The following AMY2B variants were observed in gnomAD, a reference collection of about 807,000 sequenced individuals.
The protein encoded by AMY2B is alpha-amylase 2B.
A neutral mutation model predicts 59.3 loss-of-function variants in AMY2B; 63 were observed. That is an observed-to-expected ratio of 1.06 (90% CI 0.87 to 1.31). The LOEUF (loss-of-function observed/expected upper bound fraction) is 1.31. Among genes scored for constraint, AMY2B ranks in the 50% most tolerant of loss-of-function variants. The pLI, the probability that AMY2B is intolerant of heterozygous loss-of-function variation, is 0.00. For missense variants in AMY2B, 635 were observed against 626.7 expected (o/e 1.01, Z -0.14); for synonymous variants, 180 against 198.1 (o/e 0.91, Z 0.77).
chr1:103,563,114 T>C (rs534600382), intron 1 of AMY2B, among the ~76,000 whole-genome samples: 1 of 152,100 alleles, frequency 6.6e-6, no homozygotes, highest in Non-Finnish European at 1.5e-5. Context: ...ATTTTATTTT[T>C]TATATGAGCC....
Position 103,574,604 on chromosome 1 carries a change from T to C in AMY2B, c.878+211T>C, listed in dbSNP as rs181662226. Among the ~76,000 whole-genome samples, 5 of 152,226 alleles carry C rather than the reference T, an allele frequency of 3.3e-5. No homozygotes were observed. The East Asian group carries it at 9.7e-4, about 29-fold the overall frequency. On this transcript the variant is annotated intron_variant, in intron 5 of 9. Coordinates refer to ENST00000684275, the MANE Select transcript of AMY2B (RefSeq NM_001387437.1). ...TGAGTATGCCTAGGAACGCTAAACATATCCTAGGAGTTTCCGTCTAAGTAC... is the reference window on the plus strand; with the variant it reads ...TGAGTATGCCTAGGAACGCTAAACACATCCTAGGAGTTTCCGTCTAAGTAC...
chr1:103,579,225 A>G (rs1450817152), intron 9 of AMY2B, 86 bp from the exon 10 acceptor site: 39 of 1,608,068 alleles, frequency 2.4e-5, no homozygotes, highest in Non-Finnish European at 3.2e-5. Context: ...AGGGTTCTAC[A>G]ACATAAAGTT....
At position 103,574,410 on chromosome 1, in the gene AMY2B, T is replaced by G; in HGVS notation, c.878+17T>G. On this transcript the variant is annotated intron_variant, in intron 5 of 9. Coordinates refer to ENST00000684275, the MANE Select transcript of AMY2B (RefSeq NM_001387437.1). The stretch of plus-strand genomic sequence containing the variant: ...TTACCTAAAGTAAATAAATACAACT[T>G]TTCCCCTGAAGTATTTCATAGATTT... 1.2e-6 allele frequency: 2 copies of G among 1,610,702 alleles called. No individual in the cohort carries two copies. Among genetic ancestry groups the G allele is most frequent in the Non-Finnish European group, 1.7e-6 (2 of 1,179,570 alleles).
At position 103,573,821 on chromosome 1, in the gene AMY2B, C is replaced by G; in HGVS notation, c.627C>G (p.Phe209Leu). The G allele has an allele frequency of 6.2e-7, 1 of 1,613,848 alleles. No homozygotes were observed. Among genetic ancestry groups the G allele is most frequent in the Non-Finnish European group, 8.5e-7 (1 of 1,179,794 alleles). The stretch of plus-strand genomic sequence containing the variant: ...TCATTGACATTGGTGTTGCAGGGTT[C>G]AGACTTGATGCTTCCAAGCACATGT... Reference protein sequence around the residue: ...NHLIDIGVAGFRLDASKHMWP... With the variant: ...NHLIDIGVAGLRLDASKHMWP... Residue 209 changes from phenylalanine to leucine, a missense_variant, in exon 4 of 10, where the codon TTC (phenylalanine) becomes TTG (leucine). Phe to Leu is a conservative substitution (Grantham distance 22, BLOSUM62 0). Transcript: ENST00000684275.
rs746033188 is a variant in AMY2B at position 103,574,394 on chromosome 1, G to C, written c.878+1G>C. On this transcript the variant is annotated splice_donor_variant, in intron 5 of 9. Coordinates refer to ENST00000684275, the MANE Select transcript of AMY2B (RefSeq NM_001387437.1). LOFTEE classifies it high-confidence loss of function. ...ATGGAGAGAAGATGTCTTACCTAAA[G>C]TAAATAAATACAACTTTTCCCCTGA... 1 of 1,611,116 alleles carries C rather than the reference G, an allele frequency of 6.2e-7. No homozygotes were observed. The highest frequency in any genetic ancestry group is 1.1e-5 in the South Asian group (1 of 90,970).
At chr1:103,574,486 G>A (rs1652266218) in intron 5 of AMY2B, 93 bp downstream of exon 5, 2 of 1,597,058 alleles carry the variant, frequency 1.3e-6, no homozygotes, top group South Asian at 1.1e-5. Flanking sequence ...TTCTTTTTCA[G>A]ACAACTATCA....
intron 5 of AMY2B, among the ~76,000 whole-genome samples, chr1:103,574,619 C>T (rs1048374342): frequency 1.3e-5 from 2 of 152,040 alleles, no homozygotes; most frequent in South Asian, 4.1e-4. Flanking sequence ...TAGGAGTTTC[C>T]GTCTAAGTAC....
chr1:103,568,235 T>G (rs989041976), upstream of AMY2B: 2 of 152,214 alleles, frequency 1.3e-5, no homozygotes, highest in Non-Finnish European at 2.9e-5. Context: ...GACACACACT[T>G]AACACTTGTT....
chr1:103,576,809 G>A (rs996013455), intron 7 of AMY2B, among the ~76,000 whole-genome samples: 1 of 152,142 alleles, frequency 6.6e-6, no homozygotes, highest in Non-Finnish European at 1.5e-5. Flanking sequence ...AGGAAACTGA[G>A]ACACAGAGAA....
chr1:103,561,323 A>T (rs1570636620), intron 1 of AMY2B, among the ~76,000 whole-genome samples: 1 of 152,206 alleles, frequency 6.6e-6, no homozygotes, highest in Admixed American at 6.5e-5. Context: ...GCTGGAGTGC[A>T]GTGGCGCAGT....
intron 7 of AMY2B, 119 bp downstream of exon 7, chr1:103,575,659 A>G: frequency 6.9e-7 from 1 of 1,440,360 alleles, no homozygotes; most frequent in South Asian, 1.3e-5. Context: ...GAAACCTGAT[A>G]TAGGGCTGCG....
In AMY2B at chr1:103,575,115, G is replaced by A. The variant is rs1395496762; in HGVS notation, c.879-108G>A. ...CAGAATAACCATTTAATTAGAGAAAGAATTTAATCTTCAGATGCCATGCCA... is the reference window on the plus strand; with the variant it reads ...CAGAATAACCATTTAATTAGAGAAAAAATTTAATCTTCAGATGCCATGCCA... On this transcript the variant is annotated intron_variant, in intron 5 of 9. Transcript: ENST00000684275. 6 of 1,494,592 alleles carry A rather than the reference G, an allele frequency of 4.0e-6. No homozygotes were observed. In the East Asian group the frequency reaches 1.2e-4, roughly 30 times the overall value. The allele number at this position is 1,494,592 out of a possible 1,614,324, so 92.6% of individuals were successfully genotyped here.
chr1:103,572,930 C>A (rs1652192967), intron 2 of AMY2B, 133 bp from the exon 3 acceptor site: 1 of 1,536,690 alleles, frequency 6.5e-7, no homozygotes. Context: ...GATTTTTGAT[C>A]TTGTAGGAAA....
chr1:103,568,148 T>G (rs2101067873), upstream of AMY2B, among the ~76,000 whole-genome samples: 1 of 152,350 alleles, frequency 6.6e-6, no homozygotes, highest in South Asian at 2.1e-4. Context: ...CACTAGAATG[T>G]AAGTTCTCTG....
At chr1:103,570,353 A>G (rs1652076277), upstream of AMY2B, 15 of 713,120 alleles carry the variant, frequency 2.1e-5, no homozygotes, top group South Asian at 2.7e-5. Context: ...CTTCCTGGAC[A>G]TGGAATCTTG....
chr1:103,566,298 G>A lies in AMY2B; in HGVS notation c.-47+704G>A, dbSNP rs1651910118. Among the ~76,000 whole-genome samples the A allele has an allele frequency of 1.3e-5, 2 of 152,120 alleles. 1 individual carries two copies. The highest frequency in any genetic ancestry group is 4.2e-4 in the South Asian group (2 of 4,812). Reference sequence around the variant, plus strand: ...CTTTCACTTTATTGTTTGTTTTTGTGTATGGACATATCCCTTCTCTAACTG... The same window carrying A: ...CTTTCACTTTATTGTTTGTTTTTGTATATGGACATATCCCTTCTCTAACTG... On this transcript the variant is annotated intron_variant, in intron 2 of 11. Transcript: ENST00000361355.
intron 3 of AMY2B, 22 bp downstream of exon 3, chr1:103,573,282 A>T (rs371748405): frequency 6.2e-7 from 1 of 1,613,474 alleles, no homozygotes. Flanking sequence ...TATGAGAGTC[A>T]TCTGAATAAG....
intron 2 of AMY2B, 91 bp from the exon 3 acceptor site, chr1:103,572,972 G>A: frequency 3.1e-6 from 5 of 1,602,540 alleles, no homozygotes; most frequent in South Asian, 2.2e-5. Context: ...ATATTTTGGA[G>A]TTTTATTAAC....
rs1448988714 is a variant in AMY2B at position 103,573,701 on chromosome 1, T to G, written c.514-7T>G. 2.5e-6 allele frequency: 4 copies of G among 1,613,546 alleles called. No homozygotes were observed. The South Asian group carries it at 4.4e-5, about 18-fold the overall frequency. The stretch of plus-strand genomic sequence containing the variant: ...ATGAATCAATCATAACATTTTTACC[T>G]CAACAGGTCAGAGATTGTCGTCTGG... On this transcript the variant is annotated splice_polypyrimidine_tract_variant and splice_region_variant and intron_variant, in intron 3 of 9. Coordinates refer to ENST00000684275, the MANE Select transcript of AMY2B (RefSeq NM_001387437.1).
Sources: gnomAD v4.1 joint callset for allele counts (sites outside exome capture counted in the v4.1 genomes callset) on GRCh38, gnomAD v4.1.1 for gene constraint, MANE v1.5 for transcripts, NCBI Gene and HGNC (gene_info 2026-07-23, HGNC 2026-07-21) for gene names.